Variants in FOXP2 observed in about 807,000 individuals in gnomAD.
FOXP2 encodes forkhead box protein P2.
In FOXP2, 12 loss-of-function variants were observed where a neutral mutation model predicts 115.8. That is an observed-to-expected ratio of 0.10 (90% CI 0.07 to 0.17). The LOEUF (loss-of-function observed/expected upper bound fraction) is 0.17, where lower values mean the gene tolerates loss of function less well. Ranked by LOEUF, FOXP2 falls within the 10% of genes least tolerant of loss-of-function variation. FOXP2 has a pLI of 1.00. For synonymous variants in FOXP2, 328 were observed against 297.7 expected (o/e 1.10, Z -1.05); for missense variants, 629 against 843.5 (o/e 0.75, Z 3.15).
chr7:114,625,578 A>T (rs2129325446), intron 3 of FOXP2, among the ~76,000 whole-genome samples: 1 of 151,946 alleles, frequency 6.6e-6, no homozygotes, highest in Middle Eastern at 3.4e-3. Context: ...ATCAATGAAT[A>T]CCTAGAGTAG....
intron 16 of FOXP2, among the ~76,000 whole-genome samples, chr7:114,681,938 A>G (rs1808104417): frequency 6.6e-6 from 1 of 152,176 alleles, no homozygotes; most frequent in African/African-American, 2.4e-5. Flanking sequence ...ACAATGTTAA[A>G]AAATTAATTT....
At chr7:114,479,449 T>TA (rs1584786490) in intron 2 of FOXP2, among the ~76,000 whole-genome samples, 1 of 151,270 alleles carries the variant, frequency 6.6e-6, no homozygotes, top group East Asian at 1.9e-4. Context: ...AACTACACAC[T>TA]ATTCTGAACC....
chr7:114,254,564 C>T (rs975821492), intron 1 of FOXP2, among the ~76,000 whole-genome samples: 9 of 152,184 alleles, frequency 5.9e-5, no homozygotes, highest in African/African-American at 2.2e-4. Flanking sequence ...CACTGATACC[C>T]TTTCTTCCAG....
chr7:114,498,060 GTTT>G (rs1429668978), intron 2 of FOXP2, among the ~76,000 whole-genome samples: 2 of 152,252 alleles, frequency 1.3e-5, no homozygotes, highest in South Asian at 2.1e-4. Flanking sequence ...ATACCGAAAT[GTTT>G]TTGACTTATA....
chr7:114,089,704 G>A (rs552123103), intron 1 of FOXP2, among the ~76,000 whole-genome samples: 2 of 151,904 alleles, frequency 1.3e-5, no homozygotes, highest in Admixed American at 1.3e-4. Flanking sequence ...ACCTAAAATA[G>A]GGAGGAAATA....
intron 16 of FOXP2, chr7:114,665,234 G>A (rs1018946997): frequency 3.9e-5 from 6 of 152,028 alleles, no homozygotes; most frequent in Admixed American, 6.6e-5. Flanking sequence ...TGTATTGACC[G>A]TGGTAGAACT....
chr7:114,140,853 C>T (rs1792187632), intron 1 of FOXP2, among the ~76,000 whole-genome samples: 1 of 152,222 alleles, frequency 6.6e-6, no homozygotes. Context: ...CTTACTGTGA[C>T]TTGTCAGCCT....
chr7:114,316,241 T>C (rs1013929829), intron 2 of FOXP2, among the ~76,000 whole-genome samples: 1 of 152,190 alleles, frequency 6.6e-6, no homozygotes. Flanking sequence ...AATTCACAAA[T>C]ATGGAATCAG....
intron 2 of FOXP2, among the ~76,000 whole-genome samples, chr7:114,393,202 A>G (rs111356848): frequency 0.016 from 2,404 of 152,100 alleles, 28 homozygotes; most frequent in African/African-American, 0.028. Flanking sequence ...AGTAGTTATA[A>G]TATTTTTACT....
intron 2 of FOXP2, among the ~76,000 whole-genome samples, chr7:114,469,453 A>G (rs2084985392): frequency 6.6e-6 from 1 of 152,330 alleles, no homozygotes; most frequent in Non-Finnish European, 1.5e-5. Flanking sequence ...GCTGATTGCT[A>G]GTGACATTTT....
intron 2 of FOXP2, among the ~76,000 whole-genome samples, chr7:114,347,346 A>G (rs1791371746): frequency 6.6e-6 from 1 of 152,026 alleles, no homozygotes; most frequent in Non-Finnish European, 1.5e-5. Flanking sequence ...ATACATATAC[A>G]CACGCATATA....
chr7:114,135,797 C>G (rs2129146197), intron 1 of FOXP2, among the ~76,000 whole-genome samples: 1 of 152,200 alleles, frequency 6.6e-6, no homozygotes, highest in Non-Finnish European at 1.5e-5. Flanking sequence ...AGGCTGTGTT[C>G]ATGGATTTGC....
At chr7:114,167,935 C>CAAA (rs34195375) in intron 1 of FOXP2, among the ~76,000 whole-genome samples, 27 of 83,556 alleles carry the variant, frequency 3.2e-4, no homozygotes, top group African/African-American at 1.0e-3. Context: ...GACTCCATCT[C>CAAA]AAAAAAAAAA....
intron 1 of FOXP2, among the ~76,000 whole-genome samples, chr7:114,147,947 C>CT (rs1209552399): frequency 3.9e-5 from 6 of 152,158 alleles, no homozygotes; most frequent in African/African-American, 1.4e-4. Flanking sequence ...ATCAGTATCA[C>CT]TTCTGGAAGC....
intron 3 of FOXP2, among the ~76,000 whole-genome samples, chr7:114,600,861 G>A (rs181182764): frequency 1.3e-5 from 2 of 151,680 alleles, no homozygotes; most frequent in East Asian, 3.9e-4. Context: ...TCTTATTGTT[G>A]AATTATAAGA....
At chr7:114,591,523 T>C (rs1374443039) in intron 3 of FOXP2, among the ~76,000 whole-genome samples, 1 of 152,066 alleles carries the variant, frequency 6.6e-6, no homozygotes, top group Non-Finnish European at 1.5e-5. Context: ...ATGGAAGCTA[T>C]ATAGCTTCCA....
chr7:114,154,215 A>C (rs953077865), intron 1 of FOXP2, among the ~76,000 whole-genome samples: 3 of 152,166 alleles, frequency 2.0e-5, no homozygotes, highest in South Asian at 4.1e-4. Flanking sequence ...CTTAAATACT[A>C]TGAAAGCATT....
intron 2 of FOXP2, among the ~76,000 whole-genome samples, chr7:114,291,092 A>T (rs1319190953): frequency 7.9e-5 from 12 of 152,162 alleles, no homozygotes; most frequent in Non-Finnish European, 1.2e-4. Flanking sequence ...ATGCTGTTAT[A>T]ACAAAGTACC....
At chr7:114,486,758 A>G (rs1453449955) in intron 2 of FOXP2, among the ~76,000 whole-genome samples, 1 of 152,190 alleles carries the variant, frequency 6.6e-6, no homozygotes, top group African/African-American at 2.4e-5. Context: ...TTTGAAATCC[A>G]TTAGGATAGC....
Sources: gnomAD v4.1 joint callset for allele counts (sites outside exome capture counted in the v4.1 genomes callset) on GRCh38, gnomAD v4.1.1 for gene constraint, MANE v1.5 for transcripts, NCBI Gene and HGNC (gene_info 2026-07-23, HGNC 2026-07-21) for gene names.